SEMA3A: variants seen among roughly 807,000 people sequenced by gnomAD.
SEMA3A encodes semaphorin-3A.
Under a neutral mutation model 97.9 loss-of-function variants are expected in SEMA3A, and 29 were observed. The observed-to-expected ratio is 0.30, with a 90% CI of 0.22 to 0.40. SEMA3A has a LOEUF of 0.40. SEMA3A is among the 10% of genes least tolerant of loss of function. The pLI is 1.00. For synonymous variants in SEMA3A, 321 were observed against 323.7 expected, an observed-to-expected ratio of 0.99 and a Z score of 0.09; for missense variants, 763 against 951.3, an observed-to-expected ratio of 0.80 and a Z score of 2.60.
Position 83,957,808 on chromosome 7 carries a change from G to T in SEMA3A, c.*3563C>A, listed in dbSNP as rs1276272193. 1 of 152,032 alleles carries T rather than the reference G, an allele frequency of 6.6e-6. No homozygotes were observed. The highest frequency in any genetic ancestry group is 1.5e-5 in the Non-Finnish European group (1 of 67,980). The allele number at this position is 152,032 out of a possible 1,614,324, so 9.4% of individuals were successfully genotyped here. A position where few individuals can be genotyped will look rare whatever the true frequency, so the allele number is the denominator to read the frequency against. ...ATAATTATTACAAATCAAGTTAAAA[G>T]TATAGATGTCCTTGGTGTTAGACCA... On this transcript the variant is annotated 3_prime_UTR_variant, in exon 17 of 17. Transcript: ENST00000265362.
At chr7:83,979,600 G>A (rs1789310264) in intron 14 of SEMA3A, among the ~76,000 whole-genome samples, 1 of 151,968 alleles carries the variant, frequency 6.6e-6, no homozygotes, top group Non-Finnish European at 1.5e-5. Flanking sequence ...TCCACAATAA[G>A]TTTTATTTTA....
intron 4 of SEMA3A, among the ~76,000 whole-genome samples, chr7:84,100,868 T>C (rs1718906921): frequency 6.6e-6 from 1 of 152,194 alleles, no homozygotes; most frequent in Non-Finnish European, 1.5e-5. Context: ...TAGTACTCTC[T>C]CAGATATATC....
intron 3 of SEMA3A, among the ~76,000 whole-genome samples, chr7:84,128,413 A>T (rs1165060687): frequency 6.6e-6 from 1 of 152,166 alleles, no homozygotes; most frequent in East Asian, 1.9e-4. Context: ...TTCAAGAAGA[A>T]TTCAAGGGGA....
intron 2 of SEMA3A, among the ~76,000 whole-genome samples, chr7:84,337,194 TTTTA>T (rs1490253445): frequency 2.6e-5 from 4 of 152,132 alleles, no homozygotes; most frequent in Non-Finnish European, 2.9e-5. Flanking sequence ...CATTAATAAA[TTTTA>T]TTTATTTTTA....
At chr7:84,177,418 C>A (rs12707622) in intron 1 of SEMA3A, among the ~76,000 whole-genome samples, 9,559 of 152,126 alleles carry the variant, frequency 0.063, 361 homozygotes, top group African/African-American at 0.1. Context: ...TATTGTTAAA[C>A]AAGGTAAAAC....
intron 1 of SEMA3A, among the ~76,000 whole-genome samples, chr7:84,384,519 G>A (rs907079576): frequency 6.6e-6 from 1 of 152,092 alleles, no homozygotes; most frequent in African/African-American, 2.4e-5. Flanking sequence ...AAAAATGTCA[G>A]AGACTGAATA....
chr7:84,194,212 A>G (rs962514243), intron 1 of SEMA3A, among the ~76,000 whole-genome samples: 2 of 152,202 alleles, frequency 1.3e-5, no homozygotes, highest in African/African-American at 4.8e-5. Context: ...TAAGATATAC[A>G]GATCAGCGTG....
intron 3 of SEMA3A, among the ~76,000 whole-genome samples, chr7:84,114,013 G>A (rs1341476678): frequency 6.6e-6 from 1 of 152,020 alleles, no homozygotes; most frequent in African/African-American, 2.4e-5. Flanking sequence ...AAAGATACAG[G>A]AGCCAAAAGC....
intron 3 of SEMA3A, among the ~76,000 whole-genome samples, chr7:84,212,382 A>C (rs1296571330): frequency 6.6e-6 from 1 of 152,222 alleles, no homozygotes; most frequent in African/African-American, 2.4e-5. Flanking sequence ...CTTTTCTTTT[A>C]AATGATTCAA....
chr7:83,965,839 C>G (rs572707804), intron 15 of SEMA3A, among the ~76,000 whole-genome samples: 13 of 149,704 alleles, frequency 8.7e-5, no homozygotes, highest in African/African-American at 3.2e-4. Flanking sequence ...TGCCACCACG[C>G]CCAGCTAGTT....
chr7:84,400,212 T>A (rs1375641382), intron 1 of SEMA3A, among the ~76,000 whole-genome samples: 1 of 152,064 alleles, frequency 6.6e-6, no homozygotes, highest in African/African-American at 2.4e-5. Flanking sequence ...GAATAAATAG[T>A]CTTCAATGCC....
chr7:84,136,940 GGGAGGGAA>G (rs1168734823), intron 1 of SEMA3A, among the ~76,000 whole-genome samples: 1 of 143,860 alleles, frequency 7.0e-6, no homozygotes, highest in Non-Finnish European at 1.5e-5. Context: ...AAGGAAGGGA[GGGAGGGAA>G]GGAGGGAGGG....
At chr7:83,992,194 A>T (rs914625503) in intron 12 of SEMA3A, among the ~76,000 whole-genome samples, 1 of 150,980 alleles carries the variant, frequency 6.6e-6, no homozygotes, top group Admixed American at 6.6e-5. Flanking sequence ...TATTGTGTCT[A>T]TTTGATTCTT....
intron 2 of SEMA3A, among the ~76,000 whole-genome samples, chr7:84,133,376 A>T (rs1796021836): frequency 6.6e-6 from 1 of 152,194 alleles, no homozygotes; most frequent in South Asian, 2.1e-4. Flanking sequence ...TAAAAATGTA[A>T]ATCAGCTTTG....
chr7:84,318,424 G>A (rs1801566729), intron 2 of SEMA3A, among the ~76,000 whole-genome samples: 1 of 140,878 alleles, frequency 7.1e-6, no homozygotes, highest in Admixed American at 7.5e-5. Context: ...CCGGGTTCAC[G>A]CCATTCTCCT....
At chr7:84,177,990 AT>A (rs751180299) in intron 1 of SEMA3A, among the ~76,000 whole-genome samples, 1 of 152,186 alleles carries the variant, frequency 6.6e-6, no homozygotes, top group Non-Finnish European at 1.5e-5. Context: ...GACAAAGAGA[AT>A]AATAGAAAGT....
rs78832514 is a variant in SEMA3A at position 84,002,662 on chromosome 7, C to T, written c.1361-616G>A. On this transcript the variant is annotated intron_variant, in intron 11 of 16. Coordinates refer to ENST00000265362, the MANE Select transcript of SEMA3A (RefSeq NM_006080.3). ...GCCATTATGTGATGAATGACAATAA[C>T]CCGATTTCTCAAAGTAAACACCTAG... Among the ~76,000 whole-genome samples, 1,112 of 152,218 alleles carry T rather than the reference C, an allele frequency of 7.3e-3. 15 individuals carry two copies. Among genetic ancestry groups the T allele is most frequent in the African/African-American group, 0.025 (1,045 of 41,546 alleles).
chr7:83,973,590 G>C (rs1379933270), intron 15 of SEMA3A, among the ~76,000 whole-genome samples: 2 of 152,062 alleles, frequency 1.3e-5, no homozygotes, highest in Admixed American at 1.3e-4. Flanking sequence ...TAATAGCACT[G>C]CTACAAAATA....
At position 84,155,452 on chromosome 7, in the gene SEMA3A, C is replaced by T. The variant is rs1796815839; in HGVS notation, c.113-20501G>A. 2.0e-5 allele frequency among the ~76,000 whole-genome samples: 3 copies of T among 152,084 alleles called. No individual in the cohort carries two copies. In the South Asian group the frequency reaches 6.2e-4, roughly 31 times the overall value. On this transcript the variant is annotated intron_variant, in intron 1 of 16. Transcript: ENST00000265362. ...TTGGGCAGGTATGCTTCCTTCTTCC[C>T]AAACAACTTGGCAAAATCATTTGAC...
Sources: allele counts gnomAD v4.1 joint callset (sites outside exome capture counted in the v4.1 genomes callset), GRCh38; gene constraint gnomAD v4.1.1; transcripts MANE v1.5; gene names NCBI Gene and HGNC (gene_info 2026-07-23, HGNC 2026-07-21).